The following TANC1 variants were observed in gnomAD, a reference collection of about 807,000 sequenced individuals.
TANC1 encodes protein TANC1.
A neutral mutation model predicts 149.7 loss-of-function variants in TANC1; 77 were observed. The ratio of observed to expected loss-of-function variants is 0.51; its 90% CI spans 0.43 to 0.62. The LOEUF is 0.62. Ranked by LOEUF, TANC1 falls within the 20% of genes least tolerant of loss-of-function variation. The pLI is 0.00. For synonymous variants in TANC1, 854 were observed against 925.0 expected (o/e 0.92, Z 1.39); for missense variants, 1,985 against 2,321.8 (o/e 0.85, Z 2.98).
chr2:159,138,719 G>T (rs1284334501), intron 5 of TANC1, among the ~76,000 whole-genome samples: 1 of 152,102 alleles, frequency 6.6e-6, no homozygotes, highest in Non-Finnish European at 1.5e-5. Context: ...CGCTTTTCTG[G>T]GTGCTGTCAA....
chr2:159,079,930 G>A (rs1249902384), intron 3 of TANC1, among the ~76,000 whole-genome samples: 2 of 152,206 alleles, frequency 1.3e-5, no homozygotes. Flanking sequence ...GTGCATGGGA[G>A]GGGTTTTAGA....
chr2:159,126,162 G>T (rs957039837), intron 4 of TANC1, among the ~76,000 whole-genome samples: 1 of 152,128 alleles, frequency 6.6e-6, no homozygotes. Flanking sequence ...TCCCTACATG[G>T]TCGTACCCAG....
chr2:159,051,669 G>A (rs867164480), intron 2 of TANC1, among the ~76,000 whole-genome samples: 1 of 151,500 alleles, frequency 6.6e-6, no homozygotes, highest in Admixed American at 6.6e-5. Context: ...GTGTGTGTGT[G>A]TGTGTGTGTG....
chr2:159,019,568 C>A (rs1464001147), intron 2 of TANC1, among the ~76,000 whole-genome samples: 2 of 150,520 alleles, frequency 1.3e-5, no homozygotes, highest in African/African-American at 4.9e-5. Flanking sequence ...GCAGTTGGTA[C>A]TTCTGGGCAG....
chr2:159,173,334 G>A (rs1385348605), intron 11 of TANC1, among the ~76,000 whole-genome samples: 9 of 152,120 alleles, frequency 5.9e-5, no homozygotes, highest in Admixed American at 2.0e-4. Context: ...CGGGCCTGGC[G>A]GCTCATGCTT....
chr2:159,026,894 C>T (rs2039388329), intron 2 of TANC1: 1 of 152,140 alleles, frequency 6.6e-6, no homozygotes, highest in African/African-American at 2.4e-5. Flanking sequence ...GGGACAGCCT[C>T]AAAGATCTCT....
In TANC1 at chr2:159,194,149, G is replaced by C. The variant is rs2057678351; in HGVS notation, c.2743-108G>C. ...GTGATACTGGTGCACATTCAAGTTT[G>C]AGAACCACTGGATTAAAATGATACC... On this transcript the variant is annotated intron_variant, in intron 16 of 26. Transcript: ENST00000263635. 3 of 827,056 alleles carry C rather than the reference G, an allele frequency of 3.6e-6. No individual in the cohort carries two copies. The South Asian group carries it at 4.7e-5, about 13-fold the overall frequency. The allele number at this position is 827,056 out of a possible 1,614,324, so 51.2% of individuals were successfully genotyped here. A position where few individuals can be genotyped will look rare whatever the true frequency, so the allele number is the denominator to read the frequency against.
chr2:159,111,563 T>G (rs1315800561), intron 4 of TANC1, among the ~76,000 whole-genome samples: 2 of 152,152 alleles, frequency 1.3e-5, no homozygotes, highest in Non-Finnish European at 2.9e-5. Flanking sequence ...ATGAAGTAGA[T>G]AGCTTGTACT....
At chr2:159,038,167 C>T (rs750902962) in intron 2 of TANC1, among the ~76,000 whole-genome samples, 16 of 151,940 alleles carry the variant, frequency 1.1e-4, no homozygotes, top group Non-Finnish European at 1.9e-4. Flanking sequence ...CTGTTATTGG[C>T]GTATAGGAAT....
intron 3 of TANC1, among the ~76,000 whole-genome samples, chr2:159,095,600 G>A (rs2149895233): frequency 6.6e-6 from 1 of 152,166 alleles, no homozygotes; most frequent in South Asian, 2.1e-4. Context: ...GCCGGGTGTG[G>A]TGGCGGGCGC....
chr2:159,175,734 A>C (rs6749554), intron 12 of TANC1, among the ~76,000 whole-genome samples: 3,727 of 152,318 alleles, frequency 0.024, 162 homozygotes, highest in African/African-American at 0.085. Flanking sequence ...TTACTTGCCC[A>C]CATGGCACCT....
chr2:159,207,722 AAAAAAC>A (rs1204500391), intron 19 of TANC1, among the ~76,000 whole-genome samples: 1,875 of 142,706 alleles, frequency 0.013, 97 homozygotes, highest in African/African-American at 0.051. Flanking sequence ...AAAAAAAAAA[AAAAAAC>A]AACTCAGACT....
At chr2:159,127,359 C>T (rs780981665) in intron 4 of TANC1, among the ~76,000 whole-genome samples, 1 of 152,124 alleles carries the variant, frequency 6.6e-6, no homozygotes. Flanking sequence ...TACACTGTTC[C>T]TGGGAATGTA....
At chr2:159,073,653 T>G (rs73969431) in intron 3 of TANC1, among the ~76,000 whole-genome samples, 2 of 152,238 alleles carry the variant, frequency 1.3e-5, no homozygotes, top group Non-Finnish European at 2.9e-5. Flanking sequence ...TTAAAACTCC[T>G]CTGTAAAACA....
intron 3 of TANC1, among the ~76,000 whole-genome samples, chr2:159,075,294 C>G (rs2043547632): frequency 6.6e-6 from 1 of 151,674 alleles, no homozygotes; most frequent in South Asian, 2.1e-4. Flanking sequence ...TACGCTGGGC[C>G]CAGTGGTTCA....
rs1457954326 is a variant in TANC1, at chr2:159,229,876, C to A, written c.4450C>A (p.Pro1484Thr). The change falls in exon 27 of 27, where the codon CCT (proline) becomes ACT (threonine). Residue 1484 changes from proline to threonine, a missense_variant. This residue lies in a region of TANC1 where 920 missense variants were observed against 994.7 expected (regional missense o/e 0.92). Transcript: ENST00000263635. Reference sequence around the variant, plus strand: ...CAGGTCCCAGCCATCCTCATCTGTCCCTTCCTCATACATCCGAAACCTTCA... The same window carrying A: ...CAGGTCCCAGCCATCCTCATCTGTCACTTCCTCATACATCCGAAACCTTCA... ...TPRSQPSSSV[P>T]SSYIRNLQEG... 1 of 1,614,002 alleles carries A rather than the reference C, an allele frequency of 6.2e-7. No individual in the cohort carries two copies. The highest frequency in any genetic ancestry group is 8.5e-7 in the Non-Finnish European group (1 of 1,180,046).
intron 5 of TANC1, among the ~76,000 whole-genome samples, chr2:159,146,407 A>G (rs745502833): frequency 1.3e-5 from 2 of 152,244 alleles, no homozygotes; most frequent in Non-Finnish European, 2.9e-5. Context: ...GGATATAAAC[A>G]TGAAGTAAAT....
intron 1 of TANC1, among the ~76,000 whole-genome samples, chr2:158,983,871 A>G (rs879720572): frequency 3.9e-5 from 6 of 152,222 alleles, no homozygotes; most frequent in Non-Finnish European, 7.3e-5. Flanking sequence ...TGGAATTAAT[A>G]TATCCTAAGT....
chr2:159,169,085 A>G (rs1037382692), intron 8 of TANC1, among the ~76,000 whole-genome samples, 165 bp from the exon 9 acceptor site: 1 of 152,248 alleles, frequency 6.6e-6, no homozygotes, highest in African/African-American at 2.4e-5. Flanking sequence ...TCAACTAATG[A>G]TACTGCCAGA....
Sources: allele counts gnomAD v4.1 joint callset (sites outside exome capture counted in the v4.1 genomes callset), GRCh38; gene constraint gnomAD v4.1.1; regional missense constraint gnomAD v4.1.1; transcripts MANE v1.5; gene names NCBI Gene and HGNC (gene_info 2026-07-23, HGNC 2026-07-21).